CNOT1: variants seen among roughly 807,000 people sequenced by gnomAD.
The protein encoded by CNOT1 is CCR4-associated factor 1.
A neutral mutation model predicts 273.8 loss-of-function variants in CNOT1; 15 were observed. That is an observed-to-expected ratio of 0.05 (90% CI 0.04 to 0.08). The LOEUF (loss-of-function observed/expected upper bound fraction) is 0.08, where lower values mean the gene tolerates loss of function less well. Among genes scored for constraint, CNOT1 ranks in the 10% least tolerant of loss-of-function variants. The pLI is 1.00. For missense variants in CNOT1, 1,644 were observed against 2,912.2 expected (o/e 0.56, Z 10.02); for synonymous variants, 1,022 against 1,005.5 (o/e 1.02, Z -0.31).
intron 46 of CNOT1, 192 bp from the exon 47 acceptor site, chr16:58,523,694 T>TA: frequency 4.3e-6 from 2 of 463,942 alleles, no homozygotes; most frequent in Non-Finnish European, 3.8e-6. Flanking sequence ...CATTAGAAAT[T>TA]AGATTTTAAA....
In CNOT1 at chr16:58,586,761, T is replaced by A. The variant is rs1469652570; in HGVS notation, c.434-13A>T. ...ATAAACTGGGCAGCTAGAAGTCAGG[T>A]AAACCAAAAACCGCAAGTTACTTTT... On this transcript the variant is annotated splice_polypyrimidine_tract_variant and intron_variant, in intron 6 of 48. Coordinates refer to ENST00000317147, the MANE Select transcript of CNOT1 (RefSeq NM_016284.5). 2 of 1,610,814 alleles carry A rather than the reference T, an allele frequency of 1.2e-6. No homozygotes were observed. Among genetic ancestry groups the A allele is most frequent in the Admixed American group, 3.4e-5 (2 of 59,552 alleles).
chr16:58,543,374 TCTAC>T (rs1185804159), intron 31 of CNOT1: 1 of 1,542,878 alleles, frequency 6.5e-7, no homozygotes. Context: ...TATTTGGGTA[TCTAC>T]TATCTGTCAA....
At chr16:58,581,297 T>C (rs746446974) in intron 11 of CNOT1, 48 bp downstream of exon 11, 2 of 1,551,158 alleles carry the variant, frequency 1.3e-6, no homozygotes, top group Non-Finnish European at 1.7e-6. Context: ...ACATAAAGAA[T>C]AAGTCATGTT....
chr16:58,574,674 G>A lies in CNOT1; in HGVS notation c.1914C>T (p.Pro638=), dbSNP rs762962788. Residue 638 remains proline, a synonymous_variant, in exon 16 of 49, where the codon CCC becomes CCT. Coordinates refer to ENST00000317147, the MANE Select transcript of CNOT1 (RefSeq NM_016284.5). The part of the protein sequence containing the change: ...LGGLAPEKDQ[P]KSAQLPPETL... ...TTTCTGGAGGAAGTTGAGCACTTTT[G>A]GGCTGGTCTTTTTCTGGGGCAAGTC... 2 of 1,609,606 alleles carry A rather than the reference G, an allele frequency of 1.2e-6. No homozygotes were observed.
At chr16:58,560,383 T>TA (rs745376898) in intron 16 of CNOT1, 21 bp from the exon 17 acceptor site, 7 of 1,608,530 alleles carry the variant, frequency 4.4e-6, no homozygotes, top group African/African-American at 2.7e-5. Context: ...GGGGAAAAGG[T>TA]AAAAAATATC....
intron 1 of CNOT1, among the ~76,000 whole-genome samples, chr16:58,621,746 G>A (rs1475489230): frequency 1.4e-5 from 2 of 147,440 alleles, no homozygotes; most frequent in South Asian, 2.1e-4. Flanking sequence ...GTGAAACCCC[G>A]TCTCTACCAA....
At chr16:58,594,018 G>A (rs1201382381) in intron 2 of CNOT1, among the ~76,000 whole-genome samples, 1 of 152,196 alleles carries the variant, frequency 6.6e-6, no homozygotes, top group Non-Finnish European at 1.5e-5. Context: ...GCCAAGGCGG[G>A]CAGATCACCT....
intron 2 of CNOT1, among the ~76,000 whole-genome samples, chr16:58,589,165 T>A (rs1407489843): frequency 6.6e-6 from 1 of 152,046 alleles, no homozygotes; most frequent in Non-Finnish European, 1.5e-5. Context: ...TCCTTCTGAG[T>A]AGCTAAGATC....
At chr16:58,561,474 T>C (rs891242733) in intron 16 of CNOT1, among the ~76,000 whole-genome samples, 1 of 152,166 alleles carries the variant, frequency 6.6e-6, no homozygotes, top group Non-Finnish European at 1.5e-5. Flanking sequence ...CATGTACTTA[T>C]AGACAAAAAC....
At chr16:58,535,802 C>T (rs1001328461) in intron 39 of CNOT1, among the ~76,000 whole-genome samples, 2 of 151,688 alleles carry the variant, frequency 1.3e-5, no homozygotes, top group African/African-American at 2.4e-5. Context: ...GGTGCAATCT[C>T]GGCTCACTGT....
rs2040290845 is a variant in CNOT1, at chr16:58,547,376, C to T, written c.3640-80G>A. 1 of 1,575,118 alleles carries T rather than the reference C, an allele frequency of 6.3e-7. No individual in the cohort carries two copies. The highest frequency in any genetic ancestry group is 1.8e-5 in the Admixed American group (1 of 54,568). On this transcript the variant is annotated intron_variant, in intron 26 of 48. Coordinates refer to ENST00000317147, the MANE Select transcript of CNOT1 (RefSeq NM_016284.5). The surrounding 1 kb of genome is among the most constrained non-coding windows in gnomAD (Gnocchi z 4.0). ...AACAAAACCAAAGAAAAGTATTTTGCCAAGCTTATCCCCAAAACAGGAATC... is the reference window on the plus strand; with the variant it reads ...AACAAAACCAAAGAAAAGTATTTTGTCAAGCTTATCCCCAAAACAGGAATC...
At position 58,538,833 on chromosome 16, in the gene CNOT1, G is replaced by T; in HGVS notation, c.5074C>A (p.Leu1692Ile). 1 of 1,612,020 alleles carries T rather than the reference G, an allele frequency of 6.2e-7. No individual in the cohort carries two copies. The highest frequency in any genetic ancestry group is 8.5e-7 in the Non-Finnish European group (1 of 1,179,708). The change falls in exon 36 of 49, where the codon CTA (leucine) becomes ATA (isoleucine). Residue 1692 changes from leucine to isoleucine, a missense_variant. Leu to Ile is a conservative substitution (Grantham distance 5). Coordinates refer to ENST00000317147, the MANE Select transcript of CNOT1 (RefSeq NM_016284.5). ...GCCCGGCCATCCTGCAGAGCTTTTA[G>T]GACCAAGAGGTGGCATTCCCTGTAG... ...LRYRECHLLV[L>I]KALQDGRAYG...
intron 18 of CNOT1, among the ~76,000 whole-genome samples, chr16:58,558,180 T>C (rs2040704411): frequency 1.3e-5 from 2 of 152,198 alleles, no homozygotes; most frequent in Non-Finnish European, 2.9e-5. Flanking sequence ...CTAAGCCCTT[T>C]AGAATGTGAT....
rs116630925 is a variant in CNOT1, at chr16:58,581,678, T to C, written c.1045-163A>G. Among the ~76,000 whole-genome samples the C allele has an allele frequency of 0.34, 51,487 of 151,802 alleles. 10,080 individuals are homozygous for C. Among genetic ancestry groups the C allele is most frequent in the Non-Finnish European group, 0.45 (30,750 of 67,854 alleles). On this transcript the variant is annotated intron_variant, in intron 10 of 48. Coordinates refer to ENST00000317147, the MANE Select transcript of CNOT1 (RefSeq NM_016284.5). ...ATTCTTTTTTTTTCTTTTTTTTTTTTTAAGACAGAGTCTCACTCCGTTGCT... is the reference window on the plus strand; with the variant it reads ...ATTCTTTTTTTTTCTTTTTTTTTTTCTAAGACAGAGTCTCACTCCGTTGCT...
chr16:58,595,123 C>A (rs1386544640), intron 2 of CNOT1, among the ~76,000 whole-genome samples: 3 of 149,048 alleles, frequency 2.0e-5, no homozygotes, highest in African/African-American at 4.9e-5. Flanking sequence ...AAAAAAAAAA[C>A]AAAAAAGGTG....
intron 1 of CNOT1, among the ~76,000 whole-genome samples, chr16:58,599,814 C>T (rs2152008218): frequency 6.6e-6 from 1 of 152,226 alleles, no homozygotes; most frequent in African/African-American, 2.4e-5. Context: ...ACCTGTAACC[C>T]CAGCACTTTG....
chr16:58,587,701 C>T (rs958632076), intron 4 of CNOT1, 79 bp downstream of exon 4: 6 of 1,454,842 alleles, frequency 4.1e-6, no homozygotes. Context: ...TAAGACATCA[C>T]ATTATGAGAT....
At chr16:58,539,211 C>G (rs887929422) in intron 35 of CNOT1, among the ~76,000 whole-genome samples, 4 of 152,042 alleles carry the variant, frequency 2.6e-5, no homozygotes, top group Non-Finnish European at 4.4e-5. Context: ...ATCTAAAGGG[C>G]AGCTGGGCTC....
chr16:58,577,551 T>C (rs1022895798), intron 13 of CNOT1, among the ~76,000 whole-genome samples: 1 of 152,060 alleles, frequency 6.6e-6, no homozygotes, highest in Non-Finnish European at 1.5e-5. Flanking sequence ...CTACTCCAAG[T>C]ATGGGTAAAG....
Sources: allele counts gnomAD v4.1 joint callset (sites outside exome capture counted in the v4.1 genomes callset), GRCh38; gene constraint gnomAD v4.1.1; non-coding constraint Gnocchi (gnomAD v3.1); transcripts MANE v1.5; gene names NCBI Gene and HGNC (gene_info 2026-07-23, HGNC 2026-07-21).